The following VWA3B variants were observed in gnomAD, a reference collection of about 807,000 sequenced individuals.
VWA3B encodes the protein von Willebrand factor A domain containing 3B.
VWA3B carries 138 observed loss-of-function variants against 158.3 expected under a neutral mutation model. The ratio of observed to expected loss-of-function variants is 0.87; its 90% confidence interval spans 0.76 to 1.00. VWA3B has a LOEUF of 1.00. Among genes scored for constraint, VWA3B ranks in the 50% least tolerant of loss-of-function variants. The pLI, the probability that VWA3B is intolerant of heterozygous loss-of-function variation, is 0.00. For synonymous variants in VWA3B, 596 were observed against 587.3 expected (o/e 1.01, Z -0.21); for missense variants, 1,555 against 1,565.1 (o/e 0.99, Z 0.11).
intron 1 of VWA3B, among the ~76,000 whole-genome samples, chr2:98,092,516 G>A (rs935544880): frequency 2.0e-5 from 3 of 152,020 alleles, no homozygotes; most frequent in African/African-American, 7.2e-5. Context: ...GGTGGCACGC[G>A]CCTGTAATCC....
At chr2:98,107,706 G>A (rs763117254) in intron 2 of VWA3B, among the ~76,000 whole-genome samples, 7 of 152,036 alleles carry the variant, frequency 4.6e-5, no homozygotes, top group Non-Finnish European at 8.8e-5. Flanking sequence ...CGCATCTTTT[G>A]TGGTATTTCC....
Position 98,138,373 on chromosome 2 carries a change from G to C in VWA3B, c.988+4434G>C, listed in dbSNP as rs1676453994. Among the ~76,000 whole-genome samples, 13 of 152,312 alleles carry C rather than the reference G, an allele frequency of 8.5e-5. No homozygotes were observed. In the South Asian group the frequency reaches 2.7e-3, roughly 32 times the overall value. Reference sequence around the variant, plus strand: ...GTAATTTGGGAAGGTCCAGAAACCAGAGCAGGCAAGAAGTTCTGTTCACAA... The same window carrying C: ...GTAATTTGGGAAGGTCCAGAAACCACAGCAGGCAAGAAGTTCTGTTCACAA... On this transcript the variant is annotated intron_variant, in intron 7 of 27. Transcript: ENST00000477737.
chr2:98,212,978 T>C (rs17427272), intron 13 of VWA3B, among the ~76,000 whole-genome samples: 7,185 of 152,228 alleles, frequency 0.047, 256 homozygotes, highest in Middle Eastern at 0.082. Flanking sequence ...GTATACAGTT[T>C]AATACAACAC....
chr2:98,108,998 T>TC (rs572850392), intron 2 of VWA3B, among the ~76,000 whole-genome samples: 152 of 150,340 alleles, frequency 1.0e-3, no homozygotes, highest in African/African-American at 3.1e-3. Context: ...TCTTTTCTTT[T>TC]TTTTTTTTTT....
chr2:98,270,806 G>A lies in VWA3B; in HGVS notation c.2968G>A (p.Gly990Arg). ...GATGCTGGAAAGTGAAATCCTAGCT[G>A]GGAAAATGTACATCCAGCAGGCCAT... ...LSMLESEILA[G>R]KMYIQQAMEL... The change falls in exon 22 of 28, where the codon GGG (glycine) becomes AGG (arginine). Residue 990 changes from glycine to arginine, a missense_variant. By Grantham distance (125) the Gly-to-Arg change is moderately radical (BLOSUM62 -2). Transcript: ENST00000477737. The A allele has an allele frequency of 6.2e-7, 1 of 1,614,116 alleles. No homozygotes were observed. Among genetic ancestry groups the A allele is most frequent in the Non-Finnish European group, 8.5e-7 (1 of 1,179,986 alleles).
intron 10 of VWA3B, among the ~76,000 whole-genome samples, chr2:98,189,480 T>C (rs374364140): frequency 1.9e-4 from 29 of 152,332 alleles, no homozygotes; most frequent in African/African-American, 6.7e-4. Flanking sequence ...AGAAATACTG[T>C]GTGATTCAAT....
rs767126363 is a variant in VWA3B, at chr2:98,236,402, T to C, written c.2441T>C (p.Leu814Ser). The C allele has an allele frequency of 1.2e-6, 2 of 1,614,186 alleles. No individual in the cohort carries two copies. The highest frequency in any genetic ancestry group is 1.1e-5 in the South Asian group (1 of 91,078). ...TALSDKEMSI[L>S]LAEEWLDDKS... ...TCCCCTTCCACAGAAATGAGCATCT[T>C]GCTGGCTGAGGAGTGGCTGGATGAC... is the stretch of plus-strand genomic sequence containing the variant. Residue 814 changes from leucine (L) to serine (S), a missense_variant, in exon 18 of 28, where the codon TTG (leucine) becomes TCG (serine). By Grantham distance (145) the Leu-to-Ser change is moderately radical. Transcript: ENST00000477737.
intron 13 of VWA3B, among the ~76,000 whole-genome samples, chr2:98,215,879 C>T (rs1339739219): frequency 6.9e-6 from 1 of 145,566 alleles, no homozygotes; most frequent in Non-Finnish European, 1.6e-5. Context: ...TTTCGACACA[C>T]GTGGTCTATT....
intron 5 of VWA3B, among the ~76,000 whole-genome samples, chr2:98,127,458 G>A (rs1573839985): frequency 6.6e-6 from 1 of 152,110 alleles, no homozygotes; most frequent in African/African-American, 2.4e-5. Flanking sequence ...AGCAGGAGGG[G>A]CGGCCGCCCT....
At chr2:98,124,634 C>T (rs1021983475) in intron 5 of VWA3B, among the ~76,000 whole-genome samples, 6 of 152,148 alleles carry the variant, frequency 3.9e-5, no homozygotes, top group East Asian at 3.8e-4. Context: ...CAAAGGTGTA[C>T]GCAGAACAAG....
intron 26 of VWA3B, among the ~76,000 whole-genome samples, chr2:98,308,735 G>A (rs961653818): frequency 1.3e-5 from 2 of 152,228 alleles, no homozygotes; most frequent in African/African-American, 4.8e-5. Context: ...CCACCCACAG[G>A]CTGGGGTTTC....
Position 98,250,371 on chromosome 2 carries a change from C to A in VWA3B, c.2727C>A (p.Asn909Lys), listed in dbSNP as rs1301582332. Residue 909 changes from asparagine to lysine, a missense_variant, in exon 20 of 28, where the codon AAC becomes AAA. By Grantham distance (94) the Asn-to-Lys change is moderately conservative. Coordinates refer to ENST00000477737, the MANE Select transcript of VWA3B (RefSeq NM_144992.5). ...CNDTNKMTLI[N>K]PQGAKLNIYK... is the part of the protein sequence containing the mutation. The stretch of plus-strand genomic sequence containing the variant: ...ACACAAATAAGATGACATTAATTAA[C>A]CCCCAAGGAGCCAAACTCAATATCT... 1.2e-6 allele frequency: 2 copies of A among 1,613,518 alleles called. No individual in the cohort carries two copies. The highest frequency in any genetic ancestry group is 2.2e-5 in the East Asian group (1 of 44,820).
rs370887362 is a variant in VWA3B, at chr2:98,304,303, A to G, written c.3521+501A>G. On this transcript the variant is annotated intron_variant, in intron 26 of 27. Transcript: ENST00000477737. ...TAAGGTAGACTAAAGCCAAGGCAAA[A>G]GGAAAGGGGGAGGCCTGCAGAGCAA... Among the ~76,000 whole-genome samples the G allele has an allele frequency of 2.6e-5, 4 of 152,104 alleles. No individual in the cohort carries two copies. The East Asian group carries it at 7.7e-4, about 29-fold the overall frequency.
rs372585251 is a variant in VWA3B, at chr2:98,196,171, A to T, written c.1737+1679A>T. ...TCAAAGGGTACGTAGTTTCAGTTAG[A>T]CAGGAGGAATAAGTTCTGGAGCTCT... On this transcript the variant is annotated intron_variant, in intron 12 of 27. Transcript: ENST00000477737. Among the ~76,000 whole-genome samples the T allele has an allele frequency of 3.3e-4, 51 of 152,326 alleles. No homozygotes were observed. The East Asian group carries it at 5.6e-3, about 17-fold the overall frequency.
intron 16 of VWA3B, among the ~76,000 whole-genome samples, chr2:98,232,731 C>G (rs555211945): frequency 6.6e-6 from 1 of 152,098 alleles, no homozygotes; most frequent in Non-Finnish European, 1.5e-5. Context: ...GTTCTGATGG[C>G]GATTTAATTT....
chr2:98,136,349 C>T (rs1384165701), intron 7 of VWA3B, among the ~76,000 whole-genome samples: 1 of 152,180 alleles, frequency 6.6e-6, no homozygotes, highest in African/African-American at 2.4e-5. Context: ...CAAACTGAAA[C>T]CCTGTGCCCA....
At chr2:98,140,250 C>T (rs569750534) in intron 7 of VWA3B, among the ~76,000 whole-genome samples, 1 of 152,328 alleles carries the variant, frequency 6.6e-6, no homozygotes, top group South Asian at 2.1e-4. Flanking sequence ...CGGACACAAC[C>T]GCATGCCTTA....
At chr2:98,251,995 G>T (rs749160708) in intron 20 of VWA3B, among the ~76,000 whole-genome samples, 3 of 152,162 alleles carry the variant, frequency 2.0e-5, no homozygotes, top group Non-Finnish European at 4.4e-5. Context: ...CTTCCCCGTG[G>T]GTCGGAGACT....
intron 2 of VWA3B, among the ~76,000 whole-genome samples, chr2:98,114,140 A>C (rs935114594): frequency 6.6e-6 from 1 of 152,214 alleles, no homozygotes; most frequent in Non-Finnish European, 1.5e-5. Context: ...AAGGTTAGCT[A>C]CTACAATCTA....
Sources: gnomAD v4.1 joint callset for allele counts (sites outside exome capture counted in the v4.1 genomes callset) on GRCh38, gnomAD v4.1.1 for gene constraint, MANE v1.5 for transcripts, NCBI Gene and HGNC (gene_info 2026-07-23, HGNC 2026-07-21) for gene names.